NAALADL1: variants seen among roughly 807,000 people sequenced by gnomAD.
NAALADL1 encodes N-acetylated alpha-linked acidic dipeptidase like 1.
NAALADL1 carries 77 observed loss-of-function variants against 82.8 expected under a neutral mutation model. The ratio of observed to expected loss-of-function variants is 0.93; its 90% CI spans 0.77 to 1.12. The LOEUF (loss-of-function observed/expected upper bound fraction) is 1.12. Ranked by LOEUF, NAALADL1 falls within the 50% of genes most tolerant of loss-of-function variation. NAALADL1 has a pLI of 0.00. For synonymous variants in NAALADL1, 358 were observed against 399.2 expected, an observed-to-expected ratio of 0.90 and a Z score of 1.23; for missense variants, 956 against 964.0, an observed-to-expected ratio of 0.99 and a Z score of 0.11.
upstream of NAALADL1, chr11:65,058,581 GGT>G (rs1485867075): frequency 6.9e-7 from 1 of 1,440,854 alleles, no homozygotes; most frequent in African/African-American, 1.4e-5. Flanking sequence ...CTATAGAGGG[GGT>G]GTTGTGCCTG....
chr11:65,058,326 C>T lies in NAALADL1; in HGVS notation c.185+11G>A. On this transcript the variant is annotated intron_variant, in intron 1 of 17. Transcript: ENST00000358658. ...CTGGCAAACGGAGGAGCAGATGGCC[C>T]CACTTCTCACCTGAGGTTCTCCCGG... 6.2e-7 allele frequency: 1 copy of T among 1,614,072 alleles called. No individual in the cohort carries two copies. Among genetic ancestry groups the T allele is most frequent in the Non-Finnish European group, 8.5e-7 (1 of 1,179,960 alleles).
intron 3 of NAALADL1, 62 bp from the exon 4 acceptor site, chr11:65,057,555 G>T: frequency 1.3e-6 from 2 of 1,560,942 alleles, no homozygotes; most frequent in African/African-American, 1.4e-5. Flanking sequence ...GGGGAAGGGG[G>T]GTGGAAGTTT....
At position 65,046,185 on chromosome 11, in the gene NAALADL1, A is replaced by G. The variant is rs373414309; in HGVS notation, c.1855+4T>C. 5 of 1,614,122 alleles carry G rather than the reference A, an allele frequency of 3.1e-6. No individual in the cohort carries two copies. The highest frequency in any genetic ancestry group is 2.2e-5 in the South Asian group (2 of 91,090). The stretch of plus-strand genomic sequence containing the variant: ...CCATACCTCAGGGTCAGGGCTGTGC[A>G]TACCCAGGCTGATGCTGTGCTGCTC... On this transcript the variant is annotated splice_donor_region_variant and intron_variant, in intron 15 of 17. Transcript: ENST00000358658.
In NAALADL1 at chr11:65,047,638, T is replaced by C. The variant is rs1182726050; in HGVS notation, c.1508+9A>G. 6.3e-7 allele frequency: 1 copy of C among 1,598,878 alleles called. No individual in the cohort carries two copies. On this transcript the variant is annotated intron_variant, in intron 12 of 17. Coordinates refer to ENST00000358658, the MANE Select transcript of NAALADL1 (RefSeq NM_005468.3). ...CTCGCTCCGGGCCCCCTTCTGTCCC[T>C]GGGCTTACCTGGGGACCAGGCCGTA...
In NAALADL1 at chr11:65,048,282, C is replaced by T. The variant is rs1188565251; in HGVS notation, c.1284+18G>A. Reference sequence around the variant, plus strand: ...CCTGGGAACCCCTTTCGATCCCCTACCCTGTAGGGCCACTCACTTCTGTGA... The same window carrying T: ...CCTGGGAACCCCTTTCGATCCCCTATCCTGTAGGGCCACTCACTTCTGTGA... On this transcript the variant is annotated intron_variant, in intron 9 of 17. Coordinates refer to ENST00000358658, the MANE Select transcript of NAALADL1 (RefSeq NM_005468.3). 6.2e-7 allele frequency: 1 copy of T among 1,614,184 alleles called. No homozygotes were observed. Among genetic ancestry groups the T allele is most frequent in the East Asian group, 2.2e-5 (1 of 44,876 alleles).
In NAALADL1 at chr11:65,053,598, A is replaced by G; in HGVS notation, c.993-22T>C. Reference sequence around the variant, plus strand: ...CTGGCTGGGGAGGGTGAAGGGTGTGAGAAGACTCTTGGCCTTGCCCACTGC... The same window carrying G: ...CTGGCTGGGGAGGGTGAAGGGTGTGGGAAGACTCTTGGCCTTGCCCACTGC... On this transcript the variant is annotated intron_variant, in intron 6 of 17. Coordinates refer to ENST00000358658, the MANE Select transcript of NAALADL1 (RefSeq NM_005468.3). The surrounding 1 kb of genome is among the most constrained non-coding windows in gnomAD (Gnocchi z 4.3). 3 of 1,570,484 alleles carry G rather than the reference A, an allele frequency of 1.9e-6. No individual in the cohort carries two copies. The highest frequency in any genetic ancestry group is 2.6e-6 in the Non-Finnish European group (3 of 1,156,072).
rs754835855 is a variant in NAALADL1 at position 65,054,785 on chromosome 11, G to C, written c.604-47C>G. On this transcript the variant is annotated intron_variant, in intron 4 of 17. Transcript: ENST00000358658. The surrounding 1 kb of genome is among the most constrained non-coding windows in gnomAD (Gnocchi z 4.3). ...GTGTGTAAGGGAGGGACCGGGACCA[G>C]ATATGTCCTATTCCTCTTCCTCCTT... 1 of 1,586,968 alleles carries C rather than the reference G, an allele frequency of 6.3e-7. No individual in the cohort carries two copies. The highest frequency in any genetic ancestry group is 8.6e-7 in the Non-Finnish European group (1 of 1,166,702).
intron 4 of NAALADL1, among the ~76,000 whole-genome samples, chr11:65,056,744 G>C (rs1947051122): frequency 7.4e-6 from 1 of 134,442 alleles, no homozygotes; most frequent in African/African-American, 2.8e-5. Flanking sequence ...TTAAATCAGA[G>C]TCTCGATGTC....
chr11:65,047,922 GTC>G, intron 11 of NAALADL1, 57 bp downstream of exon 11: 1 of 198,548 alleles, frequency 5.0e-6, no homozygotes, highest in Non-Finnish European at 9.4e-6. Flanking sequence ...TAGCGGCCCC[GTC>G]CGCCGCACGC....
chr11:65,055,124 G>A (rs1409929761), intron 4 of NAALADL1, among the ~76,000 whole-genome samples: 3 of 152,230 alleles, frequency 2.0e-5, no homozygotes, highest in Non-Finnish European at 2.9e-5. Flanking sequence ...AATGGAGGCC[G>A]GGTGGGGTGG....
chr11:65,045,673 T>C, intron 17 of NAALADL1, 149 bp downstream of exon 17: 2 of 928,366 alleles, frequency 2.2e-6, no homozygotes, highest in East Asian at 2.7e-5. Flanking sequence ...CAAGCAACTT[T>C]CCTCCCCTCC....
In NAALADL1 at chr11:65,053,146, G is replaced by A. The variant is rs1362487679; in HGVS notation, c.1198+72C>T. 4.8e-6 allele frequency: 7 copies of A among 1,471,878 alleles called. No individual in the cohort carries two copies. In the East Asian group the frequency reaches 1.7e-4, roughly 36 times the overall value. 91.2% of individuals were successfully genotyped at this position (1,471,878 alleles called of 1,614,324 possible). ...GGCACAAGGAGCACTGCAGTGTGAGGGAGAGGAGGTGGAACAGGAAGGGGA... is the reference window on the plus strand; with the variant it reads ...GGCACAAGGAGCACTGCAGTGTGAGAGAGAGGAGGTGGAACAGGAAGGGGA... On this transcript the variant is annotated intron_variant, in intron 8 of 17. Coordinates refer to ENST00000358658, the MANE Select transcript of NAALADL1 (RefSeq NM_005468.3). This position sits in a 1 kb window ranked among gnomAD's most constrained non-coding sequence, Gnocchi z 4.3.
At chr11:65,048,635 C>A (rs899313281) in intron 8 of NAALADL1, among the ~76,000 whole-genome samples, 2 of 152,108 alleles carry the variant, frequency 1.3e-5, no homozygotes, top group Non-Finnish European at 2.9e-5. Context: ...TCTCTGTGGG[C>A]ATGCTCTGGG....
rs1172735609 is a variant in NAALADL1 at position 65,044,929 on chromosome 11, C to T, written c.*342G>A. On this transcript the variant is annotated 3_prime_UTR_variant, in exon 18 of 18. Transcript: ENST00000358658. This position sits in a 1 kb window ranked among gnomAD's most constrained non-coding sequence, Gnocchi z 4.0. ...AGACTAGCCAAGGCCTAAGGTACCCCAAGACTCACTTTCGCCACTGGTCCT... is the reference window on the plus strand; with the variant it reads ...AGACTAGCCAAGGCCTAAGGTACCCTAAGACTCACTTTCGCCACTGGTCCT... 2 of 682,576 alleles carry T rather than the reference C, an allele frequency of 2.9e-6. No homozygotes were observed. Among genetic ancestry groups the T allele is most frequent in the East Asian group, 2.7e-5 (1 of 36,480 alleles). 42.3% of individuals were successfully genotyped at this position (682,576 alleles called of 1,614,324 possible).
intron 3 of NAALADL1, 29 bp from the exon 4 acceptor site, chr11:65,057,522 G>C: frequency 6.3e-7 from 1 of 1,599,162 alleles, no homozygotes; most frequent in Non-Finnish European, 8.5e-7. Context: ...GATCCTTAGA[G>C]CTGGGCCCAG....
chr11:65,045,618 G>A (rs937106181), intron 17 of NAALADL1, 161 bp from the exon 18 acceptor site: 139 of 924,912 alleles, frequency 1.5e-4, no homozygotes, highest in Middle Eastern at 1.0e-3. Flanking sequence ...AGTGGCGGTC[G>A]GGGGAGGAAA....
rs753941111 is a variant in NAALADL1 at position 65,045,356 on chromosome 11, C to T, written c.2138G>A (p.Trp713Ter). The change falls in exon 18 of 18, where the codon TGG becomes TAG. Residue 713 changes from tryptophan to a stop codon, truncating the protein, a stop_gained. Coordinates refer to ENST00000358658, the MANE Select transcript of NAALADL1 (RefSeq NM_005468.3). LOFTEE classifies it high-confidence loss of function. ...ARDTASGSEA[W>*]AEVQRQLSIV... is the part of the protein sequence containing the mutation. The stretch of plus-strand genomic sequence containing the variant: ...GCTGAGCTGTCTCTGGACCTCAGCC[C>T]AAGCTTCAGATCCAGAAGCTGTGTC... 13 of 1,610,488 alleles carry T rather than the reference C, an allele frequency of 8.1e-6. No individual in the cohort carries two copies. Among genetic ancestry groups the T allele is most frequent in the Non-Finnish European group, 1.0e-5 (12 of 1,178,728 alleles).
intron 13 of NAALADL1, 133 bp downstream of exon 13, chr11:65,047,342 T>G (rs77343700): frequency 1.4e-6 from 1 of 739,554 alleles, no homozygotes. Flanking sequence ...TGTGTGTGTT[T>G]TTTTTTAAGA....
At chr11:65,048,458 G>A in intron 8 of NAALADL1, 73 bp from the exon 9 acceptor site, 2 of 1,537,768 alleles carry the variant, frequency 1.3e-6, no homozygotes, top group Non-Finnish European at 1.8e-6. Context: ...AAAGGCTGCT[G>A]ACGTGAGGAG....
Sources: gnomAD v4.1 joint callset for allele counts (sites outside exome capture counted in the v4.1 genomes callset) on GRCh38, gnomAD v4.1.1 for gene constraint, Gnocchi (gnomAD v3.1) non-coding constraint, MANE v1.5 for transcripts, NCBI Gene and HGNC (gene_info 2026-07-23, HGNC 2026-07-21) for gene names.